DPY19L4: variants seen among roughly 807,000 people sequenced by gnomAD.
DPY19L4 encodes probable C-mannosyltransferase DPY19L4.
In DPY19L4, 97 loss-of-function variants were observed where a neutral mutation model predicts 102.8. The ratio of observed to expected loss-of-function variants is 0.94; its 90% CI spans 0.80 to 1.12. The LOEUF is 1.12. Ranked by LOEUF, DPY19L4 falls within the 50% of genes most tolerant of loss-of-function variation. DPY19L4 has a pLI of 0.00. For synonymous variants in DPY19L4, 252 were observed against 283.1 expected, an observed-to-expected ratio of 0.89 and a Z score of 1.10; for missense variants, 815 against 850.4, an observed-to-expected ratio of 0.96 and a Z score of 0.52.
chr8:94,777,602 C>CA, intron 13 of DPY19L4, 64 bp from the exon 14 acceptor site: 1 of 1,534,550 alleles, frequency 6.5e-7, no homozygotes, highest in Non-Finnish European at 8.8e-7. Context: ...GCTCAGAGAA[C>CA]AAAAATTAGA....
Position 94,765,703 on chromosome 8 carries a change from C to A in DPY19L4, c.1003-8C>A. ...CACTTCTTTGTTCATATGATTTTTC[C>A]TCCACAGCTGAATGTGAAGAAAGGA... On this transcript the variant is annotated splice_polypyrimidine_tract_variant and splice_region_variant and intron_variant, in intron 9 of 18. Transcript: ENST00000414645. 6.4e-7 allele frequency: 1 copy of A among 1,574,732 alleles called. No individual in the cohort carries two copies. Among genetic ancestry groups the A allele is most frequent in the Non-Finnish European group, 8.7e-7 (1 of 1,155,292 alleles).
intron 1 of DPY19L4, among the ~76,000 whole-genome samples, chr8:94,720,489 G>A (rs1294008778): frequency 6.6e-6 from 1 of 152,140 alleles, no homozygotes; most frequent in Admixed American, 6.5e-5. Flanking sequence ...GGATAAACGT[G>A]GCAAGATTAA....
intron 13 of DPY19L4, among the ~76,000 whole-genome samples, chr8:94,772,256 G>A (rs1367111329): frequency 6.6e-6 from 1 of 152,164 alleles, no homozygotes; most frequent in African/African-American, 2.4e-5. Flanking sequence ...GAAGCACACA[G>A]TCTAGGAATG....
At chr8:94,753,877 A>G (rs1812050602) in intron 6 of DPY19L4, among the ~76,000 whole-genome samples, 1 of 152,074 alleles carries the variant, frequency 6.6e-6, no homozygotes, top group African/African-American at 2.4e-5. Context: ...CGTTTCAAAA[A>G]AAGAAAAGAA....
At chr8:94,764,717 ATTTTTTTT>A (rs869220296) in intron 8 of DPY19L4, among the ~76,000 whole-genome samples, 80 of 29,250 alleles carry the variant, frequency 2.7e-3, no homozygotes, top group Admixed American at 5.1e-3. Flanking sequence ...ATATATATAT[ATTTTTTTT>A]TTTTTTTTTT....
At position 94,739,723 on chromosome 8, in the gene DPY19L4, A is replaced by G. The variant is rs772252298; in HGVS notation, c.544A>G (p.Thr182Ala). ...AATATATGTTACTGCTTTATTTGTT[A>G]CAAGTTGGCTTATGAGTGGAACATG... Reference protein sequence around the residue: ...QGIYVTALFVTSWLMSGTWLA... With the variant: ...QGIYVTALFVASWLMSGTWLA... The change falls in exon 6 of 19, where the codon ACA (threonine) becomes GCA (alanine). Residue 182 changes from threonine to alanine, a missense_variant. Coordinates refer to ENST00000414645, the MANE Select transcript of DPY19L4 (RefSeq NM_181787.3). 4 of 1,613,582 alleles carry G rather than the reference A, an allele frequency of 2.5e-6. No individual in the cohort carries two copies. In the South Asian group the frequency reaches 3.3e-5, roughly 13 times the overall value.
chr8:94,737,419 A>C (rs1217273239), intron 3 of DPY19L4, among the ~76,000 whole-genome samples: 1 of 151,714 alleles, frequency 6.6e-6, no homozygotes, highest in South Asian at 2.1e-4. Context: ...TAAGTGATCC[A>C]CCCACTTCGG....
chr8:94,748,376 C>T (rs1486847184), intron 6 of DPY19L4, among the ~76,000 whole-genome samples: 1 of 152,164 alleles, frequency 6.6e-6, no homozygotes, highest in Non-Finnish European at 1.5e-5. Context: ...CTTCCTGGTC[C>T]TGGGCTGATG....
rs748511685 is a variant in DPY19L4, at chr8:94,777,717, A to G, written c.1506A>G (p.Val502=). ...TGTGCATGTTAGCAGCATTTGGTGT[A>G]TGTTCTCCCGAACTTTGGATGACAC... ...PYVCMLAAFG[V]CSPELWMTLF... Residue 502 remains valine, a synonymous_variant, in exon 14 of 19, where the codon GTA becomes GTG. Transcript: ENST00000414645. The G allele has an allele frequency of 2.6e-5, 42 of 1,613,954 alleles. No individual in the cohort carries two copies. Among genetic ancestry groups the G allele is most frequent in the Non-Finnish European group, 3.6e-5 (42 of 1,179,998 alleles).
intron 11 of DPY19L4, among the ~76,000 whole-genome samples, chr8:94,767,403 C>T (rs931306588): frequency 6.6e-6 from 1 of 150,876 alleles, no homozygotes; most frequent in Non-Finnish European, 1.5e-5. Context: ...ATGCTATTCT[C>T]CTGCCTCAGC....
rs1255588650 is a variant in DPY19L4 at position 94,773,170 on chromosome 8, T to G, written c.1454+2599T>G. ...CGGAGATTGCAGTGAGCCAAGATCGTGCCACTGCACTCCAACCTGGGCAAC... is the reference window on the plus strand; with the variant it reads ...CGGAGATTGCAGTGAGCCAAGATCGGGCCACTGCACTCCAACCTGGGCAAC... On this transcript the variant is annotated intron_variant, in intron 13 of 18. Transcript: ENST00000414645. 2.1e-5 allele frequency among the ~76,000 whole-genome samples: 3 copies of G among 144,182 alleles called. No homozygotes were observed. The East Asian group carries it at 6.2e-4, about 30-fold the overall frequency. 94.6% of individuals were successfully genotyped at this position (144,182 alleles called of 152,430 possible). A position where few individuals can be genotyped will look rare whatever the true frequency, so the allele number is the denominator to read the frequency against.
chr8:94,761,961 T>A, intron 8 of DPY19L4, 127 bp downstream of exon 8: 1 of 961,166 alleles, frequency 1.0e-6, no homozygotes, highest in Non-Finnish European at 1.4e-6. Context: ...ATATTTAAGT[T>A]ATTTGGACAG....
chr8:94,789,204 C>G (rs917731612), intron 18 of DPY19L4, among the ~76,000 whole-genome samples: 8 of 152,140 alleles, frequency 5.3e-5, no homozygotes, highest in Non-Finnish European at 1.2e-4. Flanking sequence ...TTAAGCTAAT[C>G]CATCCTTTTA....
Position 94,740,751 on chromosome 8 carries a change from G to A in DPY19L4, c.611+961G>A, listed in dbSNP as rs756834909. The stretch of plus-strand genomic sequence containing the variant: ...ATTACAGGTGTGAGCCACTGCGCCC[G>A]GCTGCAATACTGTTTTTTTTATGCT... On this transcript the variant is annotated intron_variant, in intron 6 of 18. Coordinates refer to ENST00000414645, the MANE Select transcript of DPY19L4 (RefSeq NM_181787.3). Among the ~76,000 whole-genome samples, 11 of 152,174 alleles carry A rather than the reference G, an allele frequency of 7.2e-5. 1 individual carries two copies. The highest frequency in any genetic ancestry group is 4.1e-4 in the South Asian group (2 of 4,824).
rs918646023 is a variant in DPY19L4 at position 94,773,974 on chromosome 8, A to C, written c.1454+3403A>C. ...TGCTTCAGCCTGGGAGTTTTAGGCC[A>C]CAGTGAGCCATGATCACACCACTGC... On this transcript the variant is annotated intron_variant, in intron 13 of 18. Coordinates refer to ENST00000414645, the MANE Select transcript of DPY19L4 (RefSeq NM_181787.3). 4.2e-5 allele frequency among the ~76,000 whole-genome samples: 6 copies of C among 143,030 alleles called. 1 individual carries two copies. In the Admixed American group the frequency reaches 4.4e-4, roughly 10 times the overall value. The allele number at this position is 143,030 out of a possible 152,430, so 93.8% of individuals were successfully genotyped here.
intron 6 of DPY19L4, 86 bp downstream of exon 6, chr8:94,739,876 T>C: frequency 6.7e-7 from 1 of 1,481,944 alleles, no homozygotes; most frequent in Non-Finnish European, 9.2e-7. Flanking sequence ...TCCCCAACAG[T>C]CCTCACTCTA....
intron 6 of DPY19L4, among the ~76,000 whole-genome samples, chr8:94,755,078 G>A (rs925899139): frequency 1.3e-5 from 2 of 152,120 alleles, no homozygotes. Flanking sequence ...ATGATCCACC[G>A]TGCCCGGCCT....
chr8:94,726,401 G>A lies in DPY19L4; in HGVS notation c.87G>A (p.Glu29=). 1 of 1,611,580 alleles carries A rather than the reference G, an allele frequency of 6.2e-7. No individual in the cohort carries two copies. The highest frequency in any genetic ancestry group is 8.5e-7 in the Non-Finnish European group (1 of 1,179,358). Residue 29 remains glutamate, a synonymous_variant, in exon 2 of 19, where the codon GAG becomes GAA. Transcript: ENST00000414645. ...SSENKESAKE[E]KISDIPIPER... is the part of the protein sequence containing the mutation. Reference sequence around the variant, plus strand: ...AAAATAAGGAATCTGCCAAAGAAGAGAAAATCAGTGACATTCCAATTCCTG... The same window carrying A: ...AAAATAAGGAATCTGCCAAAGAAGAAAAAATCAGTGACATTCCAATTCCTG...
chr8:94,741,343 AC>A (rs149215885), intron 6 of DPY19L4, among the ~76,000 whole-genome samples: 3,911 of 152,228 alleles, frequency 0.026, 169 homozygotes, highest in African/African-American at 0.089. Flanking sequence ...CAGTTGTAAC[AC>A]CAGTTTGTAA....
Sources: gnomAD v4.1 joint callset for allele counts (sites outside exome capture counted in the v4.1 genomes callset) on GRCh38, gnomAD v4.1.1 for gene constraint, MANE v1.5 for transcripts, NCBI Gene and HGNC (gene_info 2026-07-23, HGNC 2026-07-21) for gene names.